PLA2G4C: variants seen among roughly 807,000 people sequenced by gnomAD.
PLA2G4C encodes phospholipase A2 group IVC, also known as cytosolic phospholipase A2 gamma.
PLA2G4C carries 64 observed loss-of-function variants against 73.8 expected under a neutral mutation model. That is an observed-to-expected ratio of 0.87 (90% confidence interval 0.71 to 1.07). PLA2G4C has a LOEUF of 1.07. Ranked by LOEUF, PLA2G4C falls within the 50% of genes least tolerant of loss-of-function variation. The pLI is 0.00. For missense variants in PLA2G4C, 622 were observed against 665.4 expected, an observed-to-expected ratio of 0.93 and a Z score of 0.72; for synonymous variants, 254 against 252.1, an observed-to-expected ratio of 1.01 and a Z score of -0.07.
intron 4 of PLA2G4C, among the ~76,000 whole-genome samples, chr19:48,101,120 ATATATAT>A (rs1356448982): frequency 1.3e-3 from 111 of 82,468 alleles, no homozygotes; most frequent in African/African-American, 6.9e-3. Flanking sequence ...ATATATATAT[ATATATAT>A]TTTTTTTTTT....
intron 1 of PLA2G4C, among the ~76,000 whole-genome samples, chr19:48,109,886 G>T (rs944392837): frequency 4.6e-5 from 7 of 150,806 alleles, no homozygotes; most frequent in South Asian, 2.1e-4. Context: ...CCTGACCTCA[G>T]GATCCGCCCG....
intron 16 of PLA2G4C, among the ~76,000 whole-genome samples, chr19:48,051,545 G>A (rs1462751260): frequency 1.5e-5 from 2 of 137,676 alleles, no homozygotes; most frequent in East Asian, 4.5e-4. Flanking sequence ...TTCACAGGGT[G>A]GCAGGAGAGA....
rs962447057 is a variant in PLA2G4C at position 48,087,672 on chromosome 19, C to T, written c.790+1014G>A. Among the ~76,000 whole-genome samples the T allele has an allele frequency of 9.9e-5, 15 of 152,188 alleles. No homozygotes were observed. In the South Asian group the frequency reaches 2.3e-3, roughly 23 times the overall value. On this transcript the variant is annotated intron_variant, in intron 9 of 16. Transcript: ENST00000599921. ...GTGCACAGCCAGGCATGGTGGCTCACGGCTGTAATCCCAGCACTTTGGGAG... is the reference window on the plus strand; with the variant it reads ...GTGCACAGCCAGGCATGGTGGCTCATGGCTGTAATCCCAGCACTTTGGGAG...
intron 4 of PLA2G4C, among the ~76,000 whole-genome samples, chr19:48,100,384 T>C (rs1003192660): frequency 3.3e-5 from 5 of 151,220 alleles, no homozygotes; most frequent in African/African-American, 1.2e-4. Context: ...CCAGGCGTGG[T>C]GGCATGCGTG....
chr19:48,086,010 G>A (rs1356323690), intron 9 of PLA2G4C, among the ~76,000 whole-genome samples: 1 of 152,164 alleles, frequency 6.6e-6, no homozygotes, highest in Non-Finnish European at 1.5e-5. Context: ...AAGTTCAGGT[G>A]GGTGGTCGCA....
rs869065676 is a variant in PLA2G4C, at chr19:48,101,104, CTATATA to C, written c.258-1250_258-1245del. Among the ~76,000 whole-genome samples, 27 of 103,346 alleles carry C rather than the reference CTATATA, an allele frequency of 2.6e-4. 2 individuals carry two copies. Among genetic ancestry groups the C allele is most frequent in the East Asian group, 1.3e-3 (5 of 3,726 alleles). The allele number at this position is 103,346 out of a possible 152,430, so 67.8% of individuals were successfully genotyped here. A position where few individuals can be genotyped will look rare whatever the true frequency, so the allele number is the denominator to read the frequency against. ...AGGGAGCTGGTGTGTCACATAGAGT[CTATATA>C]TATATATATATATATATTTTTTTTT... On this transcript the variant is annotated intron_variant, in intron 4 of 16. Transcript: ENST00000599921.
At chr19:48,068,866 A>G (rs1041590003) in intron 12 of PLA2G4C, among the ~76,000 whole-genome samples, 9 of 151,980 alleles carry the variant, frequency 5.9e-5, no homozygotes, top group Non-Finnish European at 1.2e-4. Flanking sequence ...AGGCCTCAGG[A>G]GAAACTGACC....
At chr19:48,065,056 G>T (rs1421173628) in intron 13 of PLA2G4C, 2 of 152,112 alleles carry the variant, frequency 1.3e-5, no homozygotes, top group African/African-American at 4.8e-5. Flanking sequence ...ATTTGAAGAG[G>T]TTTATTCTGA....
At chr19:48,106,660 T>C in intron 1 of PLA2G4C, 99 bp from the exon 2 acceptor site, 1 of 887,508 alleles carries the variant, frequency 1.1e-6, no homozygotes, top group Non-Finnish European at 1.9e-6. Context: ...TGGGTTCTCC[T>C]TGTCCACTGC....
chr19:48,105,097 A>AG (rs2032105850), intron 3 of PLA2G4C, among the ~76,000 whole-genome samples: 1 of 145,940 alleles, frequency 6.9e-6, no homozygotes, highest in Non-Finnish European at 1.5e-5. Context: ...AAAAAAAAAA[A>AG]AAAAAAAGAA....
At chr19:48,076,743 CAAAAAAA>C (rs796169841) in intron 11 of PLA2G4C, among the ~76,000 whole-genome samples, 2 of 112,102 alleles carry the variant, frequency 1.8e-5, no homozygotes, top group East Asian at 2.4e-4. Context: ...ACTCTGTCTC[CAAAAAAA>C]AAAAAGAAAA....
chr19:48,067,728 C>T (rs1353183113), intron 13 of PLA2G4C, 63 bp downstream of exon 13: 17 of 1,093,808 alleles, frequency 1.6e-5, no homozygotes, highest in Non-Finnish European at 2.0e-5. Flanking sequence ...CCACCCCCTT[C>T]CCCTACTCCA....
At chr19:48,101,126 A>ATATATATTTTT (rs1491313107) in intron 4 of PLA2G4C, among the ~76,000 whole-genome samples, 37 of 74,118 alleles carry the variant, frequency 5.0e-4, no homozygotes, top group African/African-American at 2.3e-3. Context: ...ATATATATAT[A>ATATATATTTTT]TTTTTTTTTT....
chr19:48,110,779 G>A lies in PLA2G4C; in HGVS notation c.-325C>T. On this transcript the variant is annotated 5_prime_UTR_variant, in exon 1 of 17. Transcript: ENST00000599921. ...CTGCGCCTTTAAACAGCCCTCCTCG[G>A]CTTGTAGGCCCTGCTTGGTTGCTCC... is the stretch of plus-strand genomic sequence containing the variant. 2.5e-6 allele frequency: 1 copy of A among 395,426 alleles called. No homozygotes were observed. Among genetic ancestry groups the A allele is most frequent in the Non-Finnish European group, 4.5e-6 (1 of 222,916 alleles). 24.5% of individuals were successfully genotyped at this position (395,426 alleles called of 1,614,324 possible). A position where few individuals can be genotyped will look rare whatever the true frequency, so the allele number is the denominator to read the frequency against.
At position 48,099,716 on chromosome 19, in the gene PLA2G4C, CAG is replaced by C; in HGVS notation, c.400_401del (p.Leu134AspfsTer11). The C allele has an allele frequency of 6.2e-7, 1 of 1,614,068 alleles. No individual in the cohort carries two copies. The part of the protein sequence containing the change: ...IQAARSENYS[L>X]TDFWAYMVIS... ...TAACCATGTAGGCCCAGAAGTCGGTCAGAGAGTAATTCTCAGACCTCGCTGCT... is the reference window on the plus strand; with the variant it reads ...TAACCATGTAGGCCCAGAAGTCGGTCAGAGTAATTCTCAGACCTCGCTGCT... On this transcript the variant is annotated frameshift_variant, in exon 5 of 17. Coordinates refer to ENST00000599921, the MANE Select transcript of PLA2G4C (RefSeq NM_003706.3). LOFTEE classifies it high-confidence loss of function.
At chr19:48,082,194 A>C (rs1294772530) in intron 10 of PLA2G4C, among the ~76,000 whole-genome samples, 3 of 151,972 alleles carry the variant, frequency 2.0e-5, no homozygotes, top group Non-Finnish European at 4.4e-5. Flanking sequence ...AACAGAAACC[A>C]CTTGTACCCC....
At chr19:48,056,047 G>T (rs1461108131) in intron 14 of PLA2G4C, among the ~76,000 whole-genome samples, 1 of 152,164 alleles carries the variant, frequency 6.6e-6, no homozygotes, top group Non-Finnish European at 1.5e-5. Context: ...ATGAGAAGTA[G>T]TTTCTCAGTT....
At chr19:48,110,228 C>A (rs1438433402) in intron 1 of PLA2G4C, among the ~76,000 whole-genome samples, 2 of 151,592 alleles carry the variant, frequency 1.3e-5, no homozygotes, top group Admixed American at 1.3e-4. Context: ...CGCCTGTAAT[C>A]CCAGCTACTC....
intron 11 of PLA2G4C, among the ~76,000 whole-genome samples, chr19:48,075,143 C>T (rs1759134242): frequency 6.7e-6 from 1 of 150,114 alleles, no homozygotes; most frequent in South Asian, 2.1e-4. Flanking sequence ...GGGTTGGAGG[C>T]AAAGTCTCCC....
Sources: allele counts gnomAD v4.1 joint callset (sites outside exome capture counted in the v4.1 genomes callset), GRCh38; gene constraint gnomAD v4.1.1; transcripts MANE v1.5; gene names NCBI Gene and HGNC (gene_info 2026-07-23, HGNC 2026-07-21).